TMEM223: variants seen among roughly 807,000 people sequenced by gnomAD.
The protein encoded by TMEM223 is transmembrane protein 223.
A neutral mutation model predicts 14.1 loss-of-function variants in TMEM223; 14 were observed. That is an observed-to-expected ratio of 0.99 (90% confidence interval 0.66 to 1.55). The LOEUF is 1.55. TMEM223 is among the 40% of genes most tolerant of loss of function. The probability of loss-of-function intolerance (pLI) is 0.00; values close to 1 mark genes in which losing one functional copy is unlikely to be tolerated. For synonymous variants in TMEM223, 145 were observed against 120.5 expected, an observed-to-expected ratio of 1.20 and a Z score of -1.33; for missense variants, 346 against 269.9, an observed-to-expected ratio of 1.28 and a Z score of -1.97.
At position 62,790,118 on chromosome 11, in the gene TMEM223, CCT is replaced by C. The variant is rs2084341934; in HGVS notation, c.*503_*504del. The C allele has an allele frequency of 7.0e-7, 1 of 1,431,340 alleles. No individual in the cohort carries two copies. The highest frequency in any genetic ancestry group is 2.6e-5 in the Admixed American group (1 of 38,628). The allele number at this position is 1,431,340 out of a possible 1,614,324, so 88.7% of individuals were successfully genotyped here. On this transcript the variant is annotated 3_prime_UTR_variant, in exon 2 of 2. Coordinates refer to ENST00000307366, the MANE Select transcript of TMEM223 (RefSeq NM_001080501.3). ...TGCCTGTAATCCCCCCCCTCAAGGC[CCT>C]GTTTATGTTGGGAGTCTTAGTTTTC...
At chr11:62,786,147 G>T, downstream of TMEM223, 9 of 1,343,514 alleles carry the variant, frequency 6.7e-6, no homozygotes, top group Non-Finnish European at 9.2e-6. Context: ...GAATTTAGGA[G>T]GATTGAGCCC....
At chr11:62,777,742 C>T (rs1042557500) in intron 1 of TMEM223, among the ~76,000 whole-genome samples, 2 of 152,166 alleles carry the variant, frequency 1.3e-5, no homozygotes, top group African/African-American at 4.8e-5. Context: ...GGGCTCAGGA[C>T]CCTTCCAGTT....
At position 62,790,932 on chromosome 11, in the gene TMEM223, G is replaced by A; in HGVS notation, c.317-17C>T. The A allele has an allele frequency of 9.7e-6, 15 of 1,540,010 alleles. No homozygotes were observed. The highest frequency in any genetic ancestry group is 1.3e-5 in the Non-Finnish European group (15 of 1,139,630). On this transcript the variant is annotated splice_polypyrimidine_tract_variant and intron_variant, in intron 1 of 1. Coordinates refer to ENST00000307366, the MANE Select transcript of TMEM223 (RefSeq NM_001080501.3). ...CGAGGGCTCCTGCAGGCAGGGCAGA[G>A]ATTGGGGTGAGGGGTTTTCACTGGG... is the stretch of plus-strand genomic sequence containing the variant.
downstream of TMEM223, among the ~76,000 whole-genome samples, chr11:62,783,769 G>A (rs2084248329): frequency 6.6e-6 from 1 of 151,738 alleles, no homozygotes; most frequent in Non-Finnish European, 1.5e-5. Flanking sequence ...CTAGCCTCAA[G>A]TGGTCTGCCT....
At chr11:62,771,674 G>A (rs1396915690) in exon 3 of TMEM223, 1 of 194,110 alleles carries the variant, frequency 5.2e-6, no homozygotes, top group Non-Finnish European at 1.1e-5. Context: ...TAGGCCGGGT[G>A]GGAGGATGCG....
downstream of TMEM223, among the ~76,000 whole-genome samples, chr11:62,788,539 C>T: frequency 6.6e-6 from 1 of 151,904 alleles, no homozygotes; most frequent in Admixed American, 6.6e-5. Context: ...CCTGTCTCTA[C>T]TAAAAATACA....
chr11:62,784,028 G>A (rs1183041572), downstream of TMEM223, among the ~76,000 whole-genome samples: 3 of 932 alleles, frequency 3.2e-3, no homozygotes, highest in African/African-American at 6.6e-3. Context: ...TCACACTGTC[G>A]CCCGGGCTGG....
At chr11:62,776,598 C>T in intron 1 of TMEM223, 2 of 909,790 alleles carry the variant, frequency 2.2e-6, no homozygotes, top group South Asian at 2.9e-5. Flanking sequence ...TGCCTGTAAT[C>T]CCAGCACTTT....
intron 1 of TMEM223, chr11:62,781,684 A>G: frequency 4.8e-6 from 2 of 419,932 alleles, no homozygotes; most frequent in South Asian, 2.3e-5. Flanking sequence ...AAAAAGTTGG[A>G]CATTCAGGTT....
chr11:62,787,561 G>A (rs1165076043), downstream of TMEM223: 1 of 1,510,272 alleles, frequency 6.6e-7, no homozygotes, highest in Non-Finnish European at 8.8e-7. Context: ...GTAGGCGGGG[G>A]AGCTGGCCGG....
At chr11:62,788,929 A>G (rs1158764996), downstream of TMEM223, 1 of 1,336,002 alleles carries the variant, frequency 7.5e-7, no homozygotes, top group African/African-American at 1.5e-5. Context: ...CCTGGAATGC[A>G]GGACCATTCC....
downstream of TMEM223, chr11:62,787,778 G>A: frequency 2.9e-6 from 2 of 685,480 alleles, no homozygotes; most frequent in Non-Finnish European, 5.3e-6. Flanking sequence ...GCACTAGGTG[G>A]AGTCGGGTTT....
intron 2 of TMEM223, among the ~76,000 whole-genome samples, chr11:62,773,439 C>T (rs796115273): frequency 1.1e-4 from 16 of 150,852 alleles, no homozygotes; most frequent in Admixed American, 4.7e-4. Flanking sequence ...CCACTGCGCC[C>T]GGCCTACAAT....
Position 62,778,532 on chromosome 11 carries a change from T to C in TMEM223, c.315-3867A>G, listed in dbSNP as rs577569318. On this transcript the variant is annotated intron_variant, in intron 1 of 2. Coordinates refer to the TMEM223 transcript ENST00000528367. ...GGGGGCCCAGACCTGTAACTAGTCA[T>C]AATGCAGCATGTTGGATGCTAAGAC... 1.5e-4 allele frequency: 98 copies of C among 655,580 alleles called. 1 individual carries two copies. The South Asian group carries it at 1.7e-3, about 11-fold the overall frequency. 40.6% of individuals were successfully genotyped at this position (655,580 alleles called of 1,614,324 possible). A position where few individuals can be genotyped will look rare whatever the true frequency, so the allele number is the denominator to read the frequency against.
chr11:62,772,101 A>G (rs768829869), exon 3 of TMEM223: 1 of 456,270 alleles, frequency 2.2e-6, no homozygotes, highest in Non-Finnish European at 4.4e-6. Flanking sequence ...GAAGTCATGG[A>G]ACATTTAGCC....
chr11:62,786,756 G>C, downstream of TMEM223: 1 of 1,613,084 alleles, frequency 6.2e-7, no homozygotes, highest in Non-Finnish European at 8.5e-7. Context: ...TCTACCGGGA[G>C]CTCTACGCCT....
chr11:62,785,316 C>T (rs759149733), downstream of TMEM223, among the ~76,000 whole-genome samples: 18 of 151,846 alleles, frequency 1.2e-4, no homozygotes, highest in Admixed American at 2.0e-4. Context: ...TTCAGCCTCC[C>T]GAGTAGCTGG....
chr11:62,787,121 C>T, downstream of TMEM223: 1 of 1,556,008 alleles, frequency 6.4e-7, no homozygotes, highest in Non-Finnish European at 8.6e-7. Context: ...TTCATCATAG[C>T]CGGGCGGCAG....
At chr11:62,786,816 C>G (rs2084282894), downstream of TMEM223, 1 of 1,606,512 alleles carries the variant, frequency 6.2e-7, no homozygotes, top group African/African-American at 1.3e-5. Flanking sequence ...AGCCTGCACC[C>G]ACGGCTCCGC....
Sources: allele counts gnomAD v4.1 joint callset (sites outside exome capture counted in the v4.1 genomes callset), GRCh38; gene constraint gnomAD v4.1.1; transcripts MANE v1.5; gene names NCBI Gene and HGNC (gene_info 2026-07-23, HGNC 2026-07-21).